The following NPTX2 variants were observed in gnomAD, a reference collection of about 807,000 sequenced individuals.
The protein encoded by NPTX2 is neuronal pentraxin-2.
In NPTX2, 23 loss-of-function variants were observed where a neutral mutation model predicts 38.1. The ratio of observed to expected loss-of-function variants is 0.60; its 90% CI spans 0.43 to 0.85. The LOEUF (loss-of-function observed/expected upper bound fraction) is 0.85. NPTX2 is among the 40% of genes least tolerant of loss of function. NPTX2 has a pLI of 0.00. For synonymous variants in NPTX2, 291 were observed against 287.3 expected, an observed-to-expected ratio of 1.01 and a Z score of -0.13; for missense variants, 553 against 615.3, an observed-to-expected ratio of 0.90 and a Z score of 1.07.
In NPTX2 at chr7:98,628,700, C is replaced by T; in HGVS notation, c.*71C>T. 1 of 677,354 alleles carries T rather than the reference C, an allele frequency of 1.5e-6. No individual in the cohort carries two copies. Among genetic ancestry groups the T allele is most frequent in the South Asian group, 2.1e-5 (1 of 47,844 alleles). 42.0% of individuals were successfully genotyped at this position (677,354 alleles called of 1,614,324 possible). A position where few individuals can be genotyped will look rare whatever the true frequency, so the allele number is the denominator to read the frequency against. ...GGAAGTTCAGGGCCATAGACTGCCC[C>T]ACTTAAACTCTTGTCAGTCTGGGCT... On this transcript the variant is annotated 3_prime_UTR_variant, in exon 5 of 5. Coordinates refer to ENST00000265634, the MANE Select transcript of NPTX2 (RefSeq NM_002523.3).
At chr7:98,625,633 G>A (rs1362573368) in intron 3 of NPTX2, among the ~76,000 whole-genome samples, 2 of 152,088 alleles carry the variant, frequency 1.3e-5, no homozygotes, top group Non-Finnish European at 2.9e-5. Context: ...AATTCAGGAA[G>A]TTTTAACAAA....
intron 4 of NPTX2, 94 bp downstream of exon 4, chr7:98,627,438 C>A: frequency 9.5e-7 from 1 of 1,049,888 alleles, no homozygotes. Context: ...GAGGAGGGGC[C>A]AACTGAGCAG....
intron 3 of NPTX2, among the ~76,000 whole-genome samples, chr7:98,626,017 G>A (rs1467244519): frequency 6.6e-6 from 1 of 151,902 alleles, no homozygotes; most frequent in Admixed American, 6.6e-5. Context: ...GTGGTGGTGT[G>A]CACCTGTAGT....
chr7:98,619,681 C>G lies in NPTX2; in HGVS notation c.465C>G (p.Pro155=). Residue 155 remains proline (P), a synonymous_variant, in exon 2 of 5, where the codon CCC becomes CCG. Transcript: ENST00000265634. ...CAAACGTGTCCAATGCTGGGCTGCC[C>G]GGCGACTTCCGCGAGGTGCTCCAGC... The part of the protein sequence containing the change: ...LRANVSNAGL[P]GDFREVLQQR... 1 of 1,613,360 alleles carries G rather than the reference C, an allele frequency of 6.2e-7. No individual in the cohort carries two copies. Among genetic ancestry groups the G allele is most frequent in the South Asian group, 1.1e-5 (1 of 91,052 alleles).
At position 98,625,232 on chromosome 7, in the gene NPTX2, C is replaced by T. The variant is rs930024780; in HGVS notation, c.888+66C>T. ...ATGTGGTGGAGGGAGCCACAGCCCCCACCCCAGCCGTCCTCGCCCTCCTCG... is the reference window on the plus strand; with the variant it reads ...ATGTGGTGGAGGGAGCCACAGCCCCTACCCCAGCCGTCCTCGCCCTCCTCG... On this transcript the variant is annotated intron_variant, in intron 3 of 4. Coordinates refer to ENST00000265634, the MANE Select transcript of NPTX2 (RefSeq NM_002523.3). The T allele has an allele frequency of 3.9e-6, 6 of 1,529,910 alleles. No individual in the cohort carries two copies. The African/African-American group carries it at 5.4e-5, about 14-fold the overall frequency. 94.8% of individuals were successfully genotyped at this position (1,529,910 alleles called of 1,614,324 possible).
rs753281087 is a variant in NPTX2 at position 98,617,760 on chromosome 7, G to T, written c.299G>T (p.Gly100Val). 167 of 1,430,046 alleles carry T rather than the reference G, an allele frequency of 1.2e-4. No individual in the cohort carries two copies. Among genetic ancestry groups the T allele is most frequent in the East Asian group, 4.9e-4 (17 of 34,686 alleles). The allele number at this position is 1,430,046 out of a possible 1,614,324, so 88.6% of individuals were successfully genotyped here. A position where few individuals can be genotyped will look rare whatever the true frequency, so the allele number is the denominator to read the frequency against. The change falls in exon 1 of 5, where the codon GGC (glycine) becomes GTC (valine). Residue 100 changes from glycine (G) to valine (V), a missense_variant. Gly to Val is a moderately radical substitution (Grantham distance 109). Transcript: ENST00000265634. ...GCGCGCTGCGAGGGGCTGGCGGGCG[G>T]CAAGGCGCGCGGCGCGGGGGCCACG... ...KLARCEGLAG[G>V]KARGAGATGK...
chr7:98,619,627 C>T lies in NPTX2; in HGVS notation c.427-16C>T. ...AACTCTTTCTGTGCCCCTCCCTCCT[C>T]CCCGGTGGCTGAAAGCACCAGCTCA... On this transcript the variant is annotated splice_polypyrimidine_tract_variant and intron_variant, in intron 1 of 4. Transcript: ENST00000265634. The T allele has an allele frequency of 6.2e-7, 1 of 1,601,056 alleles. No homozygotes were observed. Among genetic ancestry groups the T allele is most frequent in the African/African-American group, 1.3e-5 (1 of 74,854 alleles).
At position 98,617,447 on chromosome 7, in the gene NPTX2, G is replaced by C; in HGVS notation, c.-15G>C. 1 of 967,328 alleles carries C rather than the reference G, an allele frequency of 1.0e-6. No homozygotes were observed. The highest frequency in any genetic ancestry group is 1.3e-6 in the Non-Finnish European group (1 of 754,272). The allele number at this position is 967,328 out of a possible 1,614,324, so 59.9% of individuals were successfully genotyped here. ...CGCTCGCCCATGCCGAGCTGAGCGCGGCAGCGGCGGCGGGATGCTGGCGCT... is the reference window on the plus strand; with the variant it reads ...CGCTCGCCCATGCCGAGCTGAGCGCCGCAGCGGCGGCGGGATGCTGGCGCT... On this transcript the variant is annotated 5_prime_UTR_variant, in exon 1 of 5. Transcript: ENST00000265634.
chr7:98,624,802 G>A (rs1308165174), intron 2 of NPTX2, 120 bp from the exon 3 acceptor site: 2 of 1,248,872 alleles, frequency 1.6e-6, no homozygotes, highest in East Asian at 2.4e-5. Context: ...TTGCTGGAGG[G>A]TCCATCAAGG....
At chr7:98,621,091 A>G (rs1301284026) in intron 2 of NPTX2, among the ~76,000 whole-genome samples, 1 of 152,192 alleles carries the variant, frequency 6.6e-6, no homozygotes, top group Admixed American at 6.5e-5. Context: ...TGACAGTCAC[A>G]TCAACCTGCA....
chr7:98,618,052 TC>T (rs1208556481), intron 1 of NPTX2, among the ~76,000 whole-genome samples, 165 bp downstream of exon 1: 1 of 152,132 alleles, frequency 6.6e-6, no homozygotes, highest in Non-Finnish European at 1.5e-5. Context: ...TAGATCCTGC[TC>T]GGGAACTCCC....
At chr7:98,624,073 C>T (rs991132033) in intron 2 of NPTX2, among the ~76,000 whole-genome samples, 2 of 152,166 alleles carry the variant, frequency 1.3e-5, no homozygotes, top group African/African-American at 4.8e-5. Flanking sequence ...CGATCCACCT[C>T]AGCCTCCTGA....
rs547481452 is a variant in NPTX2 at position 98,627,424 on chromosome 7, G to A, written c.1068+80G>A. On this transcript the variant is annotated intron_variant, in intron 4 of 4. Coordinates refer to ENST00000265634, the MANE Select transcript of NPTX2 (RefSeq NM_002523.3). ...GTGGCCGTGCGCCCTTTCAGGGATG[G>A]TGCGAGGAGGGGCCAACTGAGCAGC... 7.3e-6 allele frequency: 9 copies of A among 1,232,716 alleles called. No homozygotes were observed. The East Asian group carries it at 2.2e-4, about 30-fold the overall frequency. The allele number at this position is 1,232,716 out of a possible 1,614,324, so 76.4% of individuals were successfully genotyped here.
intron 2 of NPTX2, among the ~76,000 whole-genome samples, chr7:98,621,786 G>A (rs1173867906): frequency 1.3e-5 from 2 of 152,194 alleles, no homozygotes; most frequent in African/African-American, 4.8e-5. Flanking sequence ...TGCAAGGTAG[G>A]GATTAGTTCA....
intron 1 of NPTX2, among the ~76,000 whole-genome samples, chr7:98,618,330 C>T (rs995443303): frequency 2.0e-5 from 3 of 152,108 alleles, no homozygotes; most frequent in Non-Finnish European, 2.9e-5. Context: ...TCAGCTGCCC[C>T]GGGCATGTGG....
At position 98,619,783 on chromosome 7, in the gene NPTX2, T is replaced by G. The variant is rs752523906; in HGVS notation, c.567T>G (p.Asn189Lys). ...ELEDEKSLLH[N>K]ETSAHRQKTE... ...AGGACGAGAAGTCCCTGCTGCACAA[T>G]GAGACCTCGGCTCACCGGCAGAAGA... The change falls in exon 2 of 5, where the codon AAT becomes AAG. Residue 189 changes from asparagine to lysine, a missense_variant. Transcript: ENST00000265634. 1 of 1,613,786 alleles carries G rather than the reference T, an allele frequency of 6.2e-7. No homozygotes were observed. The highest frequency in any genetic ancestry group is 2.2e-5 in the East Asian group (1 of 44,864).
chr7:98,622,762 T>C (rs775376883), intron 2 of NPTX2, among the ~76,000 whole-genome samples: 9 of 152,164 alleles, frequency 5.9e-5, no homozygotes, highest in Non-Finnish European at 1.3e-4. Flanking sequence ...CCTCGCCAGG[T>C]GCCCAGCAGC....
At position 98,617,651 on chromosome 7, in the gene NPTX2, C is replaced by A; in HGVS notation, c.190C>A (p.Leu64Met). 1 of 1,485,152 alleles carries A rather than the reference C, an allele frequency of 6.7e-7. No homozygotes were observed. The highest frequency in any genetic ancestry group is 1.3e-5 in the South Asian group (1 of 78,760). 92.0% of individuals were successfully genotyped at this position (1,485,152 alleles called of 1,614,324 possible). ...SPEEELRAAV[L>M]QLRETVVQQK... ...CGAGGAGGAGCTGAGGGCCGCGGTG[C>A]TGCAGCTGCGCGAGACCGTCGTGCA... The change falls in exon 1 of 5, where the codon CTG (leucine) becomes ATG (methionine). Residue 64 changes from leucine to methionine, a missense_variant. Physicochemically the swap from Leu to Met is conservative, Grantham distance 15. Coordinates refer to ENST00000265634, the MANE Select transcript of NPTX2 (RefSeq NM_002523.3).
In NPTX2 at chr7:98,617,583, GCC is replaced by G; in HGVS notation, c.124_125del (p.Pro42AlafsTer148). 6.7e-7 allele frequency: 1 copy of G among 1,483,120 alleles called. No individual in the cohort carries two copies. Among genetic ancestry groups the G allele is most frequent in the South Asian group, 1.3e-5 (1 of 78,950 alleles). 91.9% of individuals were successfully genotyped at this position (1,483,120 alleles called of 1,614,324 possible). A position where few individuals can be genotyped will look rare whatever the true frequency, so the allele number is the denominator to read the frequency against. ...CCCCCAGAGGCGGTGCACGCCGGCTGCCCGCTGCCCGCGATGCCCATGCAGGG... is the reference window on the plus strand; with the variant it reads ...CCCCCAGAGGCGGTGCACGCCGGCTGCGCTGCCCGCGATGCCCATGCAGGG... On this transcript the variant is annotated frameshift_variant, in exon 1 of 5. Coordinates refer to ENST00000265634, the MANE Select transcript of NPTX2 (RefSeq NM_002523.3). LOFTEE classifies it high-confidence loss of function.
Sources: gnomAD v4.1 joint callset for allele counts (sites outside exome capture counted in the v4.1 genomes callset) on GRCh38, gnomAD v4.1.1 for gene constraint, MANE v1.5 for transcripts, NCBI Gene and HGNC (gene_info 2026-07-23, HGNC 2026-07-21) for gene names.